Variants in HNRNPA3 observed in about 807,000 individuals in gnomAD.
HNRNPA3 encodes the protein heterogeneous nuclear ribonucleoprotein A3, also known as epididymis secretory sperm binding protein.
In HNRNPA3, 3 loss-of-function variants were observed where a neutral mutation model predicts 45.8. The ratio of observed to expected loss-of-function variants is 0.07; its 90% CI spans 0.03 to 0.17. HNRNPA3 has a LOEUF of 0.17. Ranked by LOEUF, HNRNPA3 falls within the 10% of genes least tolerant of loss-of-function variation. The probability of loss-of-function intolerance (pLI) is 1.00; values close to 1 mark genes in which losing one functional copy is unlikely to be tolerated. For synonymous variants in HNRNPA3, 170 were observed against 155.6 expected (o/e 1.09, Z -0.69); for missense variants, 183 against 480.3 (o/e 0.38, Z 5.79).
exon 4 of HNRNPA3, chr2:177,216,002 C>G (rs768152309): frequency 7.5e-6 from 12 of 1,601,334 alleles, no homozygotes; most frequent in Non-Finnish European, 1.0e-5. Context: ...TGGTGCCCAT[C>G]TAACAGTGAA....
In HNRNPA3 at chr2:177,216,198, A is replaced by T. The variant is rs769469365; in HGVS notation, c.553+10A>T. 2.8e-5 allele frequency: 42 copies of T among 1,507,130 alleles called. No individual in the cohort carries two copies. The African/African-American group carries it at 5.5e-4, about 20-fold the overall frequency. The allele number at this position is 1,507,130 out of a possible 1,614,324, so 93.4% of individuals were successfully genotyped here. A position where few individuals can be genotyped will look rare whatever the true frequency, so the allele number is the denominator to read the frequency against. On this transcript the variant is annotated intron_variant, in intron 4 of 10. Coordinates refer to ENST00000392524, the Ensembl canonical transcript of HNRNPA3. ...GTTGATAAAATTGTTGGTAAGTAGC[A>T]ATTTATGGTAACTTGAATGAGAAAG...
At chr2:177,213,209 G>T (rs1173019941) in intron 1 of HNRNPA3, among the ~76,000 whole-genome samples, 1 of 152,204 alleles carries the variant, frequency 6.6e-6, no homozygotes, top group African/African-American at 2.4e-5. Context: ...TGGTGGGGGA[G>T]GGGAGGGGAC....
chr2:177,216,944 G>A lies in HNRNPA3; in HGVS notation c.820+4G>A. 6.6e-7 allele frequency: 1 copy of A among 1,520,150 alleles called. No homozygotes were observed. 94.2% of individuals were successfully genotyped at this position (1,520,150 alleles called of 1,614,324 possible). A position where few individuals can be genotyped will look rare whatever the true frequency, so the allele number is the denominator to read the frequency against. On this transcript the variant is annotated splice_donor_region_variant and intron_variant, in intron 7 of 10. Transcript: ENST00000392524. ...TATAATGGATTTGGAGGTGATGGTAGGTGGCTTATTTTCATTGATGTTTGA... is the reference window on the plus strand; with the variant it reads ...TATAATGGATTTGGAGGTGATGGTAAGTGGCTTATTTTCATTGATGTTTGA...
At chr2:177,221,504 A>AACATTT (rs1689185810), downstream of HNRNPA3, 1 of 152,646 alleles carries the variant, frequency 6.6e-6, no homozygotes, top group Non-Finnish European at 1.5e-5. Flanking sequence ...TTATAGTGAA[A>AACATTT]ACATTTACAG....
rs757783472 is a variant in HNRNPA3, at chr2:177,219,173, TAAATC to T, written c.1084+17_1084+21del. The T allele has an allele frequency of 6.7e-5, 108 of 1,612,224 alleles. No individual in the cohort carries two copies. Among genetic ancestry groups the T allele is most frequent in the African/African-American group, 2.7e-4 (20 of 74,754 alleles). ...GTCCCTATGGTGGTAAGTACTTTCTTAAATCAATTCTTTAGAGCCTTTTTAATTTA... is the reference window on the plus strand; with the variant it reads ...GTCCCTATGGTGGTAAGTACTTTCTTAATTCTTTAGAGCCTTTTTAATTTA... On this transcript the variant is annotated intron_variant, in intron 9 of 10. Coordinates refer to ENST00000392524, the Ensembl canonical transcript of HNRNPA3.
chr2:177,216,097 C>T, exon 4 of HNRNPA3: 2 of 1,560,344 alleles, frequency 1.3e-6, no homozygotes, highest in Non-Finnish European at 1.7e-6. Flanking sequence ...AGATTGAAAC[C>T]ATAGAAGTTA....
intron 8 of HNRNPA3, 143 bp from the exon 9 acceptor site, chr2:177,218,894 A>G (rs1689075084): frequency 1.1e-6 from 1 of 929,002 alleles, no homozygotes; most frequent in East Asian, 2.5e-5. Context: ...TAATATCCTG[A>G]CATCAGTTAC....
At chr2:177,218,410 T>G (rs1168076221) in intron 8 of HNRNPA3, among the ~76,000 whole-genome samples, 1 of 152,194 alleles carries the variant, frequency 6.6e-6, no homozygotes, top group East Asian at 1.9e-4. Flanking sequence ...CATTTACCAG[T>G]ATTCAGTACA....
At chr2:177,216,420 C>T in intron 4 of HNRNPA3, 83 bp from the exon 5 acceptor site, 1 of 971,738 alleles carries the variant, frequency 1.0e-6, no homozygotes, top group Non-Finnish European at 1.6e-6. Context: ...TAATGGGTTA[C>T]ATAATGACAG....
rs58476089 is a variant in HNRNPA3 at position 177,218,052 on chromosome 2, C to CTTTTTTTTTTTTTTTTTTTT, written c.961+215_961+234dup. On this transcript the variant is annotated intron_variant, in intron 8 of 10. Transcript: ENST00000392524. ...ACAAATGTACTCAGCTCTCTTTTTTCTTTTTTTTTTTTTTTTTTTTTTTTT... is the reference window on the plus strand; with the variant it reads ...ACAAATGTACTCAGCTCTCTTTTTTCTTTTTTTTTTTTTTTTTTTTTTTTTTTTTTTTTTTTTTTTTTTTT... 3.7e-4 allele frequency among the ~76,000 whole-genome samples: 38 copies of CTTTTTTTTTTTTTTTTTTTT among 102,184 alleles called. 4 individuals are homozygous for CTTTTTTTTTTTTTTTTTTTT. Among genetic ancestry groups the CTTTTTTTTTTTTTTTTTTTT allele is most frequent in the African/African-American group, 1.5e-3 (37 of 25,014 alleles). 67.0% of individuals were successfully genotyped at this position (102,184 alleles called of 152,430 possible). A position where few individuals can be genotyped will look rare whatever the true frequency, so the allele number is the denominator to read the frequency against.
intron 8 of HNRNPA3, 149 bp downstream of exon 8, chr2:177,217,994 T>A: frequency 1.6e-6 from 1 of 643,994 alleles, no homozygotes. Context: ...CAAACCAAAT[T>A]TTCTTGACTT....
chr2:177,216,388 G>C lies in HNRNPA3; in HGVS notation c.554-115G>C, dbSNP rs748194985. On this transcript the variant is annotated intron_variant, in intron 4 of 10. Transcript: ENST00000392524. The stretch of plus-strand genomic sequence containing the variant: ...ATCTCAGAATGCTCCTTCATTACCA[G>C]AGTCACTACCTGATTATGTCTTAAT... 7.4e-5 allele frequency: 57 copies of C among 773,416 alleles called. No individual in the cohort carries two copies. The Middle Eastern group carries it at 1.7e-3, about 23-fold the overall frequency. 47.9% of individuals were successfully genotyped at this position (773,416 alleles called of 1,614,324 possible). A position where few individuals can be genotyped will look rare whatever the true frequency, so the allele number is the denominator to read the frequency against.
chr2:177,217,682 C>T, intron 7 of HNRNPA3, 23 bp from the exon 8 acceptor site: 4 of 1,611,876 alleles, frequency 2.5e-6, no homozygotes, highest in Non-Finnish European at 3.4e-6. Flanking sequence ...TTTGTGTGGT[C>T]TTGTTATTTG....
chr2:177,216,519 T>C (rs760913849), exon 5 of HNRNPA3: 1 of 1,612,546 alleles, frequency 6.2e-7, no homozygotes, highest in Non-Finnish European at 8.5e-7. Flanking sequence ...AATACCACAC[T>C]ATTAATGGGC....
chr2:177,216,480 T>C (rs1168967133), intron 4 of HNRNPA3, 23 bp from the exon 5 acceptor site: 8 of 1,564,310 alleles, frequency 5.1e-6, no homozygotes, highest in Non-Finnish European at 3.5e-6. Flanking sequence ...CTTTTTGTTT[T>C]GTTTGATTGA....
intron 1 of HNRNPA3, among the ~76,000 whole-genome samples, chr2:177,215,060 A>G (rs547848704): frequency 6.6e-6 from 1 of 152,296 alleles, no homozygotes; most frequent in South Asian, 2.1e-4. Flanking sequence ...GACATAAGTT[A>G]GCCCCTTTAA....
Position 177,215,522 on chromosome 2 carries a change from T to C in HNRNPA3, c.73-17T>C, listed in dbSNP as rs569372443. 8 of 1,613,582 alleles carry C rather than the reference T, an allele frequency of 5.0e-6. No homozygotes were observed. The Admixed American group carries it at 8.3e-5, about 17-fold the overall frequency. ...TCTACTGTAAGGTAACTTAAGAGTA[T>C]TGGTTCTTTCTCTCAGGGCCATGAT... On this transcript the variant is annotated splice_polypyrimidine_tract_variant and intron_variant, in intron 1 of 10. Transcript: ENST00000392524.
At chr2:177,220,514 CAT>C (rs1027222130), downstream of HNRNPA3, 7 of 153,466 alleles carry the variant, frequency 4.6e-5, no homozygotes, top group Admixed American at 2.6e-4. Flanking sequence ...GAATAAAAAT[CAT>C]GTGTTATTAA....
chr2:177,212,993 G>C, intron 1 of HNRNPA3, 122 bp downstream of exon 1: 1 of 595,908 alleles, frequency 1.7e-6, no homozygotes, highest in Non-Finnish European at 2.7e-6. Flanking sequence ...GAGACAGGCT[G>C]TGGGAGGGGG....
Sources: gnomAD v4.1 joint callset for allele counts (sites outside exome capture counted in the v4.1 genomes callset) on GRCh38, gnomAD v4.1.1 for gene constraint, MANE v1.5 for transcripts, NCBI Gene and HGNC (gene_info 2026-07-23, HGNC 2026-07-21) for gene names.